The following DIAPH3 variants were observed in gnomAD, a reference collection of about 807,000 sequenced individuals.
DIAPH3 encodes the protein protein diaphanous homolog 3.
DIAPH3 carries 117 observed loss-of-function variants against 144.3 expected under a neutral mutation model. That is an observed-to-expected ratio of 0.81 (90% CI 0.70 to 0.95). The LOEUF (loss-of-function observed/expected upper bound fraction) is 0.95. DIAPH3 is among the 40% of genes least tolerant of loss of function. The pLI is 0.00. For missense variants in DIAPH3, 1,421 were observed against 1,412.7 expected (o/e 1.01, Z -0.09); for synonymous variants, 519 against 488.9 (o/e 1.06, Z -0.81).
intron 1 of DIAPH3, among the ~76,000 whole-genome samples, chr13:60,147,949 CAATCTAT>C (rs1951609287): frequency 1.1e-4 from 2 of 17,728 alleles, no homozygotes; most frequent in Non-Finnish European, 2.8e-4. Context: ...GAAGCTATTG[CAATCTAT>C]TGCAATAACC....
At chr13:60,125,590 T>C (rs60921496) in intron 2 of DIAPH3, among the ~76,000 whole-genome samples, 5,574 of 152,060 alleles carry the variant, frequency 0.037, 136 homozygotes, top group East Asian at 0.075. Context: ...TCCAGCATCT[T>C]ATATCTTTGT....
intron 27 of DIAPH3, among the ~76,000 whole-genome samples, chr13:59,770,561 C>T (rs759579785): frequency 2.6e-5 from 4 of 152,096 alleles, no homozygotes; most frequent in Non-Finnish European, 4.4e-5. Context: ...TCAGAAAGGA[C>T]CTCCTGAAAA....
chr13:60,160,951 T>C (rs1952263783), intron 1 of DIAPH3, among the ~76,000 whole-genome samples: 1 of 152,190 alleles, frequency 6.6e-6, no homozygotes, highest in Non-Finnish European at 1.5e-5. Flanking sequence ...CAACTATACA[T>C]TTGGTAGAAA....
At chr13:59,914,939 A>T (rs961355140) in intron 19 of DIAPH3, among the ~76,000 whole-genome samples, 67 of 152,314 alleles carry the variant, frequency 4.4e-4, no homozygotes, top group African/African-American at 1.6e-3. Flanking sequence ...AAACTAATAC[A>T]TTACAAAATA....
intron 9 of DIAPH3, among the ~76,000 whole-genome samples, chr13:59,994,936 C>G (rs962636590): frequency 1.3e-5 from 2 of 151,722 alleles, no homozygotes; most frequent in African/African-American, 4.8e-5. Context: ...GCAATAGATT[C>G]AAGTTCAGAA....
chr13:60,084,878 G>T (rs907631775), intron 4 of DIAPH3, among the ~76,000 whole-genome samples: 3 of 152,120 alleles, frequency 2.0e-5, no homozygotes, highest in African/African-American at 7.2e-5. Context: ...TTAGGAAATG[G>T]TAATAAGTCA....
intron 20 of DIAPH3, 58 bp from the exon 21 acceptor site, chr13:59,879,526 T>C (rs762368600): frequency 6.8e-6 from 11 of 1,606,822 alleles, no homozygotes; most frequent in Non-Finnish European, 9.3e-6. Context: ...TTTAGTACTG[T>C]ACGACTGCAA....
intron 20 of DIAPH3, among the ~76,000 whole-genome samples, chr13:59,903,395 T>C (rs1031380694): frequency 5.3e-5 from 8 of 152,202 alleles, no homozygotes; most frequent in Admixed American, 4.6e-4. Context: ...CAGTAAGCCA[T>C]GATTCTTATA....
At chr13:60,126,039 G>A (rs1389382353) in intron 2 of DIAPH3, among the ~76,000 whole-genome samples, 1 of 152,178 alleles carries the variant, frequency 6.6e-6, no homozygotes, top group Non-Finnish European at 1.5e-5. Flanking sequence ...AGGTTATTCA[G>A]TAGGCCAATG....
intron 17 of DIAPH3, among the ~76,000 whole-genome samples, chr13:59,928,515 T>A (rs1324305405): frequency 6.6e-6 from 1 of 152,192 alleles, no homozygotes; most frequent in Non-Finnish European, 1.5e-5. Context: ...TCACTTCTAA[T>A]TTTATAGAGT....
At chr13:60,053,833 T>C (rs1594525403) in intron 4 of DIAPH3, among the ~76,000 whole-genome samples, 1 of 152,044 alleles carries the variant, frequency 6.6e-6, no homozygotes, top group Non-Finnish European at 1.5e-5. Flanking sequence ...AATGACCAGA[T>C]TTTTAAAATA....
At chr13:59,871,958 G>A (rs897508120) in intron 21 of DIAPH3, among the ~76,000 whole-genome samples, 4 of 151,986 alleles carry the variant, frequency 2.6e-5, no homozygotes, top group African/African-American at 4.8e-5. Flanking sequence ...TTTTGATATG[G>A]GCAATTTGTA....
At chr13:59,828,919 G>C (rs926495023) in intron 24 of DIAPH3, among the ~76,000 whole-genome samples, 2 of 151,774 alleles carry the variant, frequency 1.3e-5, no homozygotes, top group African/African-American at 4.8e-5. Context: ...AAGTAGAAGA[G>C]AAGTGAGTTA....
chr13:59,774,890 C>G, intron 25 of DIAPH3, 67 bp from the exon 26 acceptor site: 1 of 1,332,422 alleles, frequency 7.5e-7, no homozygotes, highest in Non-Finnish European at 1.1e-6. Context: ...AAAGCATATA[C>G]AAAAACTGGT....
rs528772487 is a variant in DIAPH3, at chr13:60,146,625, T to G, written c.181-13636A>C. Among the ~76,000 whole-genome samples the G allele has an allele frequency of 8.5e-5, 13 of 152,318 alleles. No individual in the cohort carries two copies. The East Asian group carries it at 2.5e-3, about 29-fold the overall frequency. On this transcript the variant is annotated intron_variant, in intron 1 of 27. Transcript: ENST00000400324. ...TACAGTCTATATTGCAGTCTGGTTA[T>G]GAACACACCAATTTCTGTAGTCCAG...
intron 17 of DIAPH3, among the ~76,000 whole-genome samples, chr13:59,926,612 G>T (rs2047766121): frequency 6.6e-6 from 1 of 152,148 alleles, no homozygotes; most frequent in Non-Finnish European, 1.5e-5. Context: ...GAAGCAAGCT[G>T]TATAATTTCC....
At chr13:60,033,677 C>T (rs967162874) in intron 5 of DIAPH3, among the ~76,000 whole-genome samples, 3 of 152,204 alleles carry the variant, frequency 2.0e-5, no homozygotes, top group Admixed American at 2.0e-4. Context: ...TAACGCCTCC[C>T]ACCAGGCCCC....
intron 25 of DIAPH3, among the ~76,000 whole-genome samples, chr13:59,810,006 A>G (rs892355410): frequency 2.2e-4 from 34 of 152,166 alleles, no homozygotes; most frequent in African/African-American, 8.0e-4. Flanking sequence ...CTTCTAAATA[A>G]GTGGTATCTT....
chr13:60,088,070 G>A (rs2057806695), intron 4 of DIAPH3, among the ~76,000 whole-genome samples: 6 of 152,106 alleles, frequency 3.9e-5, no homozygotes, highest in Admixed American at 3.9e-4. Flanking sequence ...AAAAAGTAAG[G>A]GGTGGGGCAC....
Sources: allele counts gnomAD v4.1 joint callset (sites outside exome capture counted in the v4.1 genomes callset), GRCh38; gene constraint gnomAD v4.1.1; transcripts MANE v1.5; gene names NCBI Gene and HGNC (gene_info 2026-07-23, HGNC 2026-07-21).